AUTS2: variants seen among roughly 807,000 people sequenced by gnomAD.
AUTS2 encodes the protein autism susceptibility gene 2 protein.
AUTS2 carries 17 observed loss-of-function variants against 112.4 expected under a neutral mutation model. That is an observed-to-expected ratio of 0.15 (90% CI 0.10 to 0.23). The LOEUF is 0.23. Ranked by LOEUF, AUTS2 falls within the 10% of genes least tolerant of loss-of-function variation. The pLI is 1.00. For synonymous variants in AUTS2, 751 were observed against 702.7 expected (o/e 1.07, Z -1.09); for missense variants, 1,510 against 1,701.6 (o/e 0.89, Z 1.98).
At chr7:69,800,754 C>T (rs1790047541) in intron 1 of AUTS2, among the ~76,000 whole-genome samples, 1 of 152,050 alleles carries the variant, frequency 6.6e-6, no homozygotes, top group Non-Finnish European at 1.5e-5. Flanking sequence ...TGACTAGGTC[C>T]CTGCCCACCT....
chr7:69,968,318 C>T lies in AUTS2; in HGVS notation c.522+68820C>T, dbSNP rs547321645. ...ATATATGAGATGATCTCTTTACTGTCTGTCAGGGGATTATATTTTATGAAT... is the reference window on the plus strand; with the variant it reads ...ATATATGAGATGATCTCTTTACTGTTTGTCAGGGGATTATATTTTATGAAT... On this transcript the variant is annotated intron_variant, in intron 2 of 18. Transcript: ENST00000342771. Among the ~76,000 whole-genome samples, 10 of 152,240 alleles carry T rather than the reference C, an allele frequency of 6.6e-5. No homozygotes were observed. In the East Asian group the frequency reaches 1.9e-3, roughly 29 times the overall value.
chr7:69,765,938 C>A (rs1307913459), intron 1 of AUTS2, among the ~76,000 whole-genome samples: 2 of 151,994 alleles, frequency 1.3e-5, no homozygotes, highest in Non-Finnish European at 2.9e-5. Flanking sequence ...CAAAGTGAGA[C>A]CCTGTCTCAA....
intron 1 of AUTS2, among the ~76,000 whole-genome samples, chr7:69,867,129 C>T (rs1793271592): frequency 6.6e-6 from 1 of 152,110 alleles, no homozygotes; most frequent in Non-Finnish European, 1.5e-5. Context: ...ATTGTGTAGA[C>T]TAGCAGTATC....
In AUTS2 at chr7:70,765,307, C is replaced by T. The variant is rs6955943; in HGVS notation, c.1468+302C>T. Among the ~76,000 whole-genome samples, 76,395 of 151,880 alleles carry T rather than the reference C, an allele frequency of 0.5. 21,307 individuals are homozygous for T. The highest frequency in any genetic ancestry group is 0.62 in the Non-Finnish European group (42,060 of 67,938). Reference sequence around the variant, plus strand: ...GTGGTCAGACCCAGGTAGTGTGTCCCGTGTCGTCTGGGCTCCCCTGAGGGC... The same window carrying T: ...GTGGTCAGACCCAGGTAGTGTGTCCTGTGTCGTCTGGGCTCCCCTGAGGGC... On this transcript the variant is annotated intron_variant, in intron 8 of 18. Transcript: ENST00000342771.
chr7:69,967,422 A>T (rs1797676077), intron 2 of AUTS2, among the ~76,000 whole-genome samples: 1 of 152,082 alleles, frequency 6.6e-6, no homozygotes, highest in South Asian at 2.1e-4. Flanking sequence ...CCAACACAGA[A>T]ACACAGAGGG....
rs139637264 is a variant in AUTS2, at chr7:69,909,023, G to T, written c.522+9525G>T. ...CTTCAGTGACTCCAGTACAGGTGCTGCAGGAGCCATATTTTTAAATAAACT... is the reference window on the plus strand; with the variant it reads ...CTTCAGTGACTCCAGTACAGGTGCTTCAGGAGCCATATTTTTAAATAAACT... On this transcript the variant is annotated intron_variant, in intron 2 of 18. Coordinates refer to ENST00000342771, the MANE Select transcript of AUTS2 (RefSeq NM_015570.4). Among the ~76,000 whole-genome samples, 441 of 152,248 alleles carry T rather than the reference G, an allele frequency of 2.9e-3. 5 individuals are homozygous for T. Among genetic ancestry groups the T allele is most frequent in the African/African-American group, 0.01 (427 of 41,548 alleles).
At chr7:70,686,846 TTTCA>T (rs771047440) in intron 5 of AUTS2, among the ~76,000 whole-genome samples, 50 of 152,268 alleles carry the variant, frequency 3.3e-4, no homozygotes, top group South Asian at 2.1e-4. Flanking sequence ...GAAAGCATCT[TTTCA>T]TTCATTCATT....
chr7:70,672,627 G>A (rs1015147354), intron 5 of AUTS2, among the ~76,000 whole-genome samples: 9 of 151,606 alleles, frequency 5.9e-5, no homozygotes, highest in African/African-American at 1.2e-4. Flanking sequence ...TTTTTGAGAC[G>A]GAATCTCACT....
At chr7:70,647,982 AG>A (rs1198784270) in intron 5 of AUTS2, among the ~76,000 whole-genome samples, 3 of 152,168 alleles carry the variant, frequency 2.0e-5, no homozygotes, top group Non-Finnish European at 4.4e-5. Context: ...GGCCTGATGT[AG>A]TGGTAGGAGA....
In AUTS2 at chr7:70,056,625, G is replaced by A. The variant is rs1563070077; in HGVS notation, c.523-61507G>A. Among the ~76,000 whole-genome samples, 3 of 152,312 alleles carry A rather than the reference G, an allele frequency of 2.0e-5. No individual in the cohort carries two copies. The East Asian group carries it at 5.8e-4, about 29-fold the overall frequency. On this transcript the variant is annotated intron_variant, in intron 2 of 18. Coordinates refer to ENST00000342771, the MANE Select transcript of AUTS2 (RefSeq NM_015570.4). ...TTGGGCAGGCAGTGTTAGTAGGTTA[G>A]TAATTATTACTAGAACCAGGTAGAG... is the stretch of plus-strand genomic sequence containing the variant.
At chr7:70,252,205 A>G (rs1487506772) in intron 4 of AUTS2, among the ~76,000 whole-genome samples, 1 of 152,178 alleles carries the variant, frequency 6.6e-6, no homozygotes, top group Non-Finnish European at 1.5e-5. Flanking sequence ...AGGAACTTTC[A>G]TACTGTTTTC....
chr7:70,216,202 T>C (rs948428895), intron 4 of AUTS2, among the ~76,000 whole-genome samples: 1 of 152,214 alleles, frequency 6.6e-6, no homozygotes, highest in African/African-American at 2.4e-5. Flanking sequence ...TTAGTCTCCT[T>C]CAAGTCCCAA....
At chr7:70,630,304 A>T (rs1047630093) in intron 5 of AUTS2, among the ~76,000 whole-genome samples, 1 of 152,072 alleles carries the variant, frequency 6.6e-6, no homozygotes. Context: ...TCGGTTGTAA[A>T]GCACAGCCTA....
intron 5 of AUTS2, among the ~76,000 whole-genome samples, chr7:70,589,704 ACT>A (rs910551648): frequency 1.3e-5 from 2 of 152,004 alleles, no homozygotes; most frequent in Non-Finnish European, 2.9e-5. Flanking sequence ...ATAGAATGAA[ACT>A]CTGTCTCAAA....
chr7:70,174,514 T>G (rs1808880545), intron 4 of AUTS2, among the ~76,000 whole-genome samples: 1 of 152,216 alleles, frequency 6.6e-6, no homozygotes, highest in Non-Finnish European at 1.5e-5. Flanking sequence ...AACAGCCTTC[T>G]ATTAGAAGAA....
intron 4 of AUTS2, among the ~76,000 whole-genome samples, chr7:70,278,231 T>C (rs1788033001): frequency 6.6e-6 from 1 of 152,182 alleles, no homozygotes; most frequent in Non-Finnish European, 1.5e-5. Context: ...CCTTTCAGTG[T>C]GAATGTTTGT....
intron 1 of AUTS2, among the ~76,000 whole-genome samples, chr7:69,880,344 G>A (rs894588564): frequency 1.3e-5 from 2 of 152,164 alleles, no homozygotes; most frequent in Non-Finnish European, 2.9e-5. Flanking sequence ...GGGACACAAA[G>A]CCAAACCATA....
chr7:69,858,196 C>T (rs1327633004), intron 1 of AUTS2, among the ~76,000 whole-genome samples: 2 of 152,202 alleles, frequency 1.3e-5, no homozygotes, highest in African/African-American at 4.8e-5. Context: ...GCACGTCCTT[C>T]GTGTGGTAGG....
chr7:70,333,293 A>G (rs1315591834), intron 4 of AUTS2, among the ~76,000 whole-genome samples: 1 of 152,234 alleles, frequency 6.6e-6, no homozygotes, highest in Non-Finnish European at 1.5e-5. Context: ...CAATCATTAA[A>G]AAGTCAGGAA....
Sources: allele counts gnomAD v4.1 joint callset (sites outside exome capture counted in the v4.1 genomes callset), GRCh38; gene constraint gnomAD v4.1.1; transcripts MANE v1.5; gene names NCBI Gene and HGNC (gene_info 2026-07-23, HGNC 2026-07-21).